Variants in COP1 observed in about 807,000 individuals in gnomAD.
COP1 encodes E3 ubiquitin-protein ligase COP1.
COP1 carries 24 observed loss-of-function variants against 101.3 expected under a neutral mutation model. The ratio of observed to expected loss-of-function variants is 0.24; its 90% CI spans 0.17 to 0.33. COP1 has a LOEUF of 0.33. COP1 is among the 10% of genes least tolerant of loss of function. The probability of loss-of-function intolerance (pLI) is 1.00; values close to 1 mark genes in which losing one functional copy is unlikely to be tolerated. For synonymous variants in COP1, 347 were observed against 341.9 expected (o/e 1.01, Z -0.17); for missense variants, 663 against 906.2 (o/e 0.73, Z 3.45).
At chr1:176,143,902 C>G (rs749221357) in intron 6 of COP1, among the ~76,000 whole-genome samples, 10 of 151,958 alleles carry the variant, frequency 6.6e-5, no homozygotes, top group Non-Finnish European at 1.5e-4. Context: ...ACTACTCAAC[C>G]CCACTCAGAA....
intron 9 of COP1, among the ~76,000 whole-genome samples, chr1:176,087,771 T>C (rs1256150746): frequency 6.6e-6 from 1 of 152,148 alleles, no homozygotes; most frequent in Non-Finnish European, 1.5e-5. Context: ...ACCCAAAGGA[T>C]TATAAATCAT....
chr1:175,950,930 A>T (rs1649813261), intron 18 of COP1, among the ~76,000 whole-genome samples: 1 of 152,146 alleles, frequency 6.6e-6, no homozygotes, highest in Non-Finnish European at 1.5e-5. Flanking sequence ...TGACTTGCTT[A>T]AAAAGGGTCA....
At chr1:175,961,852 G>A (rs1571262836) in intron 18 of COP1, among the ~76,000 whole-genome samples, 1 of 151,874 alleles carries the variant, frequency 6.6e-6, no homozygotes, top group African/African-American at 2.4e-5. Flanking sequence ...AAATTTCACA[G>A]GAGAAAAGAT....
Position 176,085,760 on chromosome 1 carries a change from A to T in COP1, c.1141+16T>A. 1.5e-6 allele frequency: 2 copies of T among 1,349,988 alleles called. No individual in the cohort carries two copies. Among genetic ancestry groups the T allele is most frequent in the Non-Finnish European group, 1.0e-6 (1 of 963,116 alleles). The allele number at this position is 1,349,988 out of a possible 1,614,324, so 83.6% of individuals were successfully genotyped here. A position where few individuals can be genotyped will look rare whatever the true frequency, so the allele number is the denominator to read the frequency against. On this transcript the variant is annotated intron_variant, in intron 10 of 19. Coordinates refer to ENST00000367669, the MANE Select transcript of COP1 (RefSeq NM_022457.7). The stretch of plus-strand genomic sequence containing the variant: ...AATGTAGATTTCAGATAATTTGAGA[A>T]GGTCTAAATATATACCTGAGATACG...
At chr1:176,032,130 A>C (rs572936899) in intron 14 of COP1, among the ~76,000 whole-genome samples, 3 of 152,324 alleles carry the variant, frequency 2.0e-5, no homozygotes, top group African/African-American at 7.2e-5. Context: ...GGATGTGCAA[A>C]TATGAGTAAG....
intron 11 of COP1, among the ~76,000 whole-genome samples, chr1:176,048,298 G>C (rs1671872853): frequency 6.7e-6 from 1 of 148,264 alleles, no homozygotes; most frequent in Admixed American, 6.8e-5. Context: ...CTCCCAAAGT[G>C]CTGGGATTAC....
chr1:176,015,908 T>C (rs1157952699), intron 15 of COP1, among the ~76,000 whole-genome samples: 1 of 152,120 alleles, frequency 6.6e-6, no homozygotes, highest in Admixed American at 6.6e-5. Flanking sequence ...AAAAGGAAAA[T>C]TCTTCTGTAA....
chr1:176,015,656 A>C (rs1160883414), intron 15 of COP1, among the ~76,000 whole-genome samples: 1 of 152,216 alleles, frequency 6.6e-6, no homozygotes, highest in Non-Finnish European at 1.5e-5. Flanking sequence ...ACTAGAGATA[A>C]CTCAATTCCT....
chr1:175,995,072 G>C (rs571046986), intron 15 of COP1, among the ~76,000 whole-genome samples: 3 of 152,224 alleles, frequency 2.0e-5, no homozygotes, highest in Admixed American at 1.3e-4. Flanking sequence ...AATCAAACTA[G>C]AACTCAGGAT....
chr1:175,991,719 G>C (rs559195537), intron 15 of COP1, among the ~76,000 whole-genome samples: 1 of 152,128 alleles, frequency 6.6e-6, no homozygotes, highest in South Asian at 2.1e-4. Context: ...ATTAAAATAG[G>C]AAAAAGCTTT....
intron 8 of COP1, among the ~76,000 whole-genome samples, chr1:176,127,917 T>C (rs1354241869): frequency 6.6e-6 from 1 of 152,104 alleles, no homozygotes; most frequent in African/African-American, 2.4e-5. Context: ...TTCATCTTTC[T>C]GATAATGGCC....
chr1:176,133,872 T>A (rs2149721755), intron 8 of COP1: 1 of 455,078 alleles, frequency 2.2e-6, no homozygotes, highest in Non-Finnish European at 4.4e-6. Flanking sequence ...TTGACAAAGA[T>A]CCTGTGCATA....
At chr1:176,056,223 T>C (rs1480135267) in intron 11 of COP1, among the ~76,000 whole-genome samples, 1 of 152,230 alleles carries the variant, frequency 6.6e-6, no homozygotes, top group East Asian at 1.9e-4. Flanking sequence ...TTCTTTACAT[T>C]TTCTGATGTT....
chr1:176,097,723 G>A (rs1356797053), intron 9 of COP1, among the ~76,000 whole-genome samples: 2 of 152,096 alleles, frequency 1.3e-5, no homozygotes, highest in African/African-American at 4.8e-5. Flanking sequence ...ACAAAAACTA[G>A]CTAGGTGTGG....
intron 15 of COP1, among the ~76,000 whole-genome samples, chr1:176,008,203 C>T (rs1200946893): frequency 1.3e-5 from 2 of 152,198 alleles, no homozygotes; most frequent in African/African-American, 4.8e-5. Flanking sequence ...TGCATCAGCT[C>T]GCGCACGGTG....
chr1:175,999,253 C>T (rs1330769187), intron 15 of COP1, among the ~76,000 whole-genome samples: 1 of 152,062 alleles, frequency 6.6e-6, no homozygotes, highest in African/African-American at 2.4e-5. Context: ...CCCCCAACAG[C>T]CCAAGTACCC....
Position 176,149,032 on chromosome 1 carries a change from T to G in COP1, c.805A>C (p.Lys269Gln). The stretch of plus-strand genomic sequence containing the variant: ...TCTCTCTTATTTCTTCTTGCAACCT[T>G]GAGGAATTCCATAAGAATCTGTAGT... ...AQLQILMEFL[K>Q]VARRNKREQL... The change falls in exon 6 of 20, where the codon AAG (lysine) becomes CAG (glutamine). Residue 269 changes from lysine (K) to glutamine (Q), a missense_variant. Physicochemically the swap from Lys to Gln is moderately conservative, Grantham distance 53 (BLOSUM62 1). Coordinates refer to ENST00000367669, the MANE Select transcript of COP1 (RefSeq NM_022457.7). The G allele has an allele frequency of 6.3e-7, 1 of 1,586,814 alleles. No homozygotes were observed. The highest frequency in any genetic ancestry group is 1.7e-5 in the Admixed American group (1 of 58,518).
At chr1:175,957,605 C>G (rs941205409) in intron 18 of COP1, among the ~76,000 whole-genome samples, 3 of 152,146 alleles carry the variant, frequency 2.0e-5, no homozygotes, top group Non-Finnish European at 2.9e-5. Flanking sequence ...AATACAACAA[C>G]TATGGAAAAA....
At chr1:176,051,909 TCA>T (rs985696958) in intron 11 of COP1, among the ~76,000 whole-genome samples, 1 of 151,834 alleles carries the variant, frequency 6.6e-6, no homozygotes, top group Non-Finnish European at 1.5e-5. Flanking sequence ...TGCAAAAAAA[TCA>T]CAAAGTCAAA....
Sources: gnomAD v4.1 joint callset for allele counts (sites outside exome capture counted in the v4.1 genomes callset) on GRCh38, gnomAD v4.1.1 for gene constraint, MANE v1.5 for transcripts, NCBI Gene and HGNC (gene_info 2026-07-23, HGNC 2026-07-21) for gene names.